EFCAB6: variants seen among roughly 807,000 people sequenced by gnomAD.
EFCAB6 encodes the protein EF-hand calcium-binding domain-containing protein 6.
EFCAB6 carries 156 observed loss-of-function variants against 169.8 expected under a neutral mutation model. The observed-to-expected ratio is 0.92, with a 90% CI of 0.81 to 1.05. The LOEUF is 1.05. EFCAB6 is among the 50% of genes least tolerant of loss of function. The pLI is 0.00. For missense variants in EFCAB6, 1,800 were observed against 1,829.1 expected (o/e 0.98, Z 0.29); for synonymous variants, 698 against 676.4 (o/e 1.03, Z -0.50).
At chr22:43,679,968 T>C (rs538569422) in intron 12 of EFCAB6, among the ~76,000 whole-genome samples, 5 of 152,308 alleles carry the variant, frequency 3.3e-5, no homozygotes, top group South Asian at 2.1e-4. Flanking sequence ...TTTTGAAGCA[T>C]GAAATTTAAT....
rs141869066 is a variant in EFCAB6 at position 43,795,625 on chromosome 22, T to C, written c.-7-13300A>G. Among the ~76,000 whole-genome samples, 17 of 152,282 alleles carry C rather than the reference T, an allele frequency of 1.1e-4. No homozygotes were observed. The highest frequency in any genetic ancestry group is 4.1e-4 in the African/African-American group (17 of 41,550). ...CACACAGCCTGCACTTCTCCGGCAC[T>C]GTACATACCCCAACTTCGCATTACA... is the stretch of plus-strand genomic sequence containing the variant. On this transcript the variant is annotated intron_variant, in intron 2 of 31. Transcript: ENST00000262726. The surrounding 1 kb of genome is among the most constrained non-coding windows in gnomAD (Gnocchi z 4.2).
At chr22:43,810,543 G>C (rs1414756417) in intron 1 of EFCAB6, among the ~76,000 whole-genome samples, 1 of 152,066 alleles carries the variant, frequency 6.6e-6, no homozygotes, top group Non-Finnish European at 1.5e-5. Flanking sequence ...TCCTGATCTG[G>C]GCAGGCACCA....
At chr22:43,673,614 T>C (rs957256934) in intron 13 of EFCAB6, among the ~76,000 whole-genome samples, 2 of 152,018 alleles carry the variant, frequency 1.3e-5, no homozygotes, top group African/African-American at 4.8e-5. Context: ...ACCCCGTCTC[T>C]ACTAAAAATA....
chr22:43,535,097 G>A, intron 29 of EFCAB6: 1 of 531,594 alleles, frequency 1.9e-6, no homozygotes, highest in East Asian at 3.3e-5. Flanking sequence ...ACACTGTCCT[G>A]GGTTTGCATG....
chr22:43,657,320 G>A (rs1026553335), intron 17 of EFCAB6, among the ~76,000 whole-genome samples: 1 of 151,924 alleles, frequency 6.6e-6, no homozygotes, highest in Non-Finnish European at 1.5e-5. Flanking sequence ...GACTATACGT[G>A]TTAGGTCATA....
intron 2 of EFCAB6, among the ~76,000 whole-genome samples, chr22:43,800,031 CAG>C (rs2148171383): frequency 6.6e-6 from 1 of 152,288 alleles, no homozygotes; most frequent in African/African-American, 2.4e-5. Context: ...TGAGGACAGA[CAG>C]AGGTAAAGAG....
chr22:43,757,232 C>T (rs929818461), intron 5 of EFCAB6, among the ~76,000 whole-genome samples: 12 of 152,152 alleles, frequency 7.9e-5, no homozygotes, highest in Non-Finnish European at 1.5e-4. Flanking sequence ...AGATACAAAA[C>T]GCTATTTGTA....
intron 10 of EFCAB6, among the ~76,000 whole-genome samples, chr22:43,688,334 T>A (rs1277256864): frequency 6.6e-6 from 1 of 152,166 alleles, no homozygotes; most frequent in Admixed American, 6.5e-5. Context: ...AGATAATACA[T>A]GTGTTGTTAT....
At chr22:43,593,546 T>C (rs2051734448) in intron 23 of EFCAB6, among the ~76,000 whole-genome samples, 1 of 152,220 alleles carries the variant, frequency 6.6e-6, no homozygotes, top group Admixed American at 6.5e-5. Flanking sequence ...TTTATACCAA[T>C]CTTGCACATA....
At chr22:43,646,587 G>T (rs932663373) in intron 17 of EFCAB6, among the ~76,000 whole-genome samples, 1 of 152,142 alleles carries the variant, frequency 6.6e-6, no homozygotes, top group African/African-American at 2.4e-5. Flanking sequence ...AATGACAAAG[G>T]TAATAGTCTA....
intron 20 of EFCAB6, among the ~76,000 whole-genome samples, chr22:43,617,527 ATTTTCCCCTTCCTCAT>A (rs1569255299): frequency 6.6e-6 from 1 of 152,074 alleles, no homozygotes; most frequent in Non-Finnish European, 1.5e-5. Flanking sequence ...TTTTCCATCC[ATTTTCCCCTTCCTCAT>A]TTTACATACT....
At chr22:43,584,736 A>G (rs9614417) in intron 24 of EFCAB6, among the ~76,000 whole-genome samples, 2 of 152,104 alleles carry the variant, frequency 1.3e-5, no homozygotes, top group East Asian at 1.9e-4. Flanking sequence ...CCATGGACTC[A>G]GCCCACTAAA....
chr22:43,674,161 T>C (rs1200437805), intron 13 of EFCAB6, among the ~76,000 whole-genome samples: 1 of 152,206 alleles, frequency 6.6e-6, no homozygotes, highest in Admixed American at 6.5e-5. Context: ...TGGAAGAATA[T>C]ACAGCAAAGT....
intron 8 of EFCAB6, among the ~76,000 whole-genome samples, chr22:43,729,608 G>A (rs1603290894): frequency 6.6e-6 from 1 of 152,104 alleles, no homozygotes; most frequent in Non-Finnish European, 1.5e-5. Flanking sequence ...ATGAACACAA[G>A]GCAGAGATCC....
At chr22:43,804,973 C>A (rs546920477) in intron 2 of EFCAB6, among the ~76,000 whole-genome samples, 8 of 152,182 alleles carry the variant, frequency 5.3e-5, no homozygotes, top group Admixed American at 2.6e-4. Flanking sequence ...TAGAAAAAAA[C>A]CAAACACTCC....
intron 26 of EFCAB6, among the ~76,000 whole-genome samples, chr22:43,557,673 A>G (rs767016386): frequency 9.8e-5 from 15 of 152,354 alleles, no homozygotes; most frequent in Middle Eastern, 3.4e-3. Context: ...CAATTATTGT[A>G]TATTACACAA....
chr22:43,789,458 A>G (rs1208425804), intron 2 of EFCAB6, among the ~76,000 whole-genome samples: 1 of 152,116 alleles, frequency 6.6e-6, no homozygotes, highest in East Asian at 1.9e-4. Context: ...ACAGTTATTT[A>G]GATTATGATT....
At chr22:43,543,869 G>A (rs912013902) in intron 27 of EFCAB6, among the ~76,000 whole-genome samples, 5 of 152,048 alleles carry the variant, frequency 3.3e-5, no homozygotes, top group South Asian at 2.1e-4. Context: ...CCCCAGTCCC[G>A]CACCAAGTCC....
At position 43,732,330 on chromosome 22, in the gene EFCAB6, T is replaced by C. The variant is rs112436226; in HGVS notation, c.645-519A>G. 8.7e-4 allele frequency among the ~76,000 whole-genome samples: 132 copies of C among 152,274 alleles called. 1 individual carries two copies. Among genetic ancestry groups the C allele is most frequent in the African/African-American group, 2.5e-3 (102 of 41,554 alleles). On this transcript the variant is annotated intron_variant, in intron 7 of 31. Coordinates refer to ENST00000262726, the MANE Select transcript of EFCAB6 (RefSeq NM_022785.4). Reference sequence around the variant, plus strand: ...CTAGAGAGAAACTGAGGCCCACAGATGGCATATGGTTTCAAAACAGGGGAT... The same window carrying C: ...CTAGAGAGAAACTGAGGCCCACAGACGGCATATGGTTTCAAAACAGGGGAT...
Sources: allele counts gnomAD v4.1 joint callset (sites outside exome capture counted in the v4.1 genomes callset), GRCh38; gene constraint gnomAD v4.1.1; non-coding constraint Gnocchi (gnomAD v3.1); transcripts MANE v1.5; gene names NCBI Gene and HGNC (gene_info 2026-07-23, HGNC 2026-07-21).